Variants in FSTL4 observed in about 807,000 individuals in gnomAD.
The protein encoded by FSTL4 is follistatin-related protein 4.
A neutral mutation model predicts 78.2 loss-of-function variants in FSTL4; 28 were observed. That is an observed-to-expected ratio of 0.36 (90% confidence interval 0.27 to 0.49). FSTL4 has a LOEUF of 0.49. Among genes scored for constraint, FSTL4 ranks in the 20% least tolerant of loss-of-function variants. FSTL4 has a pLI of 0.98. For synonymous variants in FSTL4, 422 were observed against 440.5 expected (o/e 0.96, Z 0.53); for missense variants, 922 against 1,084.9 (o/e 0.85, Z 2.11).
the FSTL4 span, among the ~76,000 whole-genome samples, chr5:133,803,875 C>T: frequency 2.6e-4 from 40 of 152,232 alleles, no homozygotes; most frequent in African/African-American, 7.2e-4. Context: ...CAATGAGAGG[C>T]GCTCATGTGA....
the FSTL4 span, among the ~76,000 whole-genome samples, chr5:133,618,223 T>A: frequency 6.6e-6 from 1 of 152,204 alleles, no homozygotes; most frequent in East Asian, 1.9e-4. Context: ...GAATATGATA[T>A]ATATATCTTC....
chr5:133,517,447 A>AAAAAAAAAAATAAATATATATATATAT (rs1554068019), intron 3 of FSTL4, among the ~76,000 whole-genome samples: 1 of 16,416 alleles, frequency 6.1e-5, no homozygotes, highest in Non-Finnish European at 1.0e-4. Flanking sequence ...AAAAAAAAAA[A>AAAAAAAAAAATAAATATATATATATAT]ATATATATAT....
the FSTL4 span, among the ~76,000 whole-genome samples, chr5:133,750,318 A>G: frequency 6.6e-6 from 1 of 152,238 alleles, no homozygotes; most frequent in African/African-American, 2.4e-5. Context: ...GGTGAATTAA[A>G]GCAAAATGTT....
chr5:133,817,145 C>CT, the FSTL4 span, among the ~76,000 whole-genome samples: 1 of 152,210 alleles, frequency 6.6e-6, no homozygotes, highest in African/African-American at 2.4e-5. Flanking sequence ...AAGCTTTTCA[C>CT]TTCTATTGTT....
chr5:133,359,864 G>A (rs773752566), intron 4 of FSTL4, among the ~76,000 whole-genome samples: 2 of 152,196 alleles, frequency 1.3e-5, no homozygotes, highest in Non-Finnish European at 2.9e-5. Context: ...CCTCACGGGA[G>A]CTTTCCCGGG....
chr5:133,437,443 C>T (rs1403618255), intron 3 of FSTL4, among the ~76,000 whole-genome samples: 1 of 148,488 alleles, frequency 6.7e-6, no homozygotes, highest in Non-Finnish European at 1.5e-5. Flanking sequence ...ATTTAGTAGC[C>T]AACATTTAAT....
At chr5:133,581,927 C>T (rs553621858) in intron 2 of FSTL4, among the ~76,000 whole-genome samples, 1 of 152,366 alleles carries the variant, frequency 6.6e-6, no homozygotes, top group African/African-American at 2.4e-5. Flanking sequence ...TCAGACAAAC[C>T]TCTGCAGGTG....
intron 14 of FSTL4, among the ~76,000 whole-genome samples, chr5:133,204,903 G>GCCAGTTGAATTTCC (rs1188655957): frequency 1.3e-5 from 2 of 151,756 alleles, no homozygotes; most frequent in Non-Finnish European, 2.9e-5. Flanking sequence ...CAAAGACTAT[G>GCCAGTTGAATTTCC]CCAGTTGAAT....
At chr5:133,601,062 T>C (rs972989596) in intron 2 of FSTL4, among the ~76,000 whole-genome samples, 1 of 152,206 alleles carries the variant, frequency 6.6e-6, no homozygotes, top group Non-Finnish European at 1.5e-5. Flanking sequence ...TCTTGGATAT[T>C]AGGATGCAAG....
chr5:133,533,153 T>C (rs1367937468), intron 3 of FSTL4, among the ~76,000 whole-genome samples: 1 of 152,214 alleles, frequency 6.6e-6, no homozygotes, highest in Non-Finnish European at 1.5e-5. Context: ...GCTTTCACAA[T>C]CTACATGATG....
chr5:133,823,776 T>A, the FSTL4 span, among the ~76,000 whole-genome samples: 1 of 152,134 alleles, frequency 6.6e-6, no homozygotes, highest in Non-Finnish European at 1.5e-5. Context: ...CAGCATACCC[T>A]GGAACTGGGG....
In FSTL4 at chr5:133,451,332, G is replaced by A. The variant is rs762119910; in HGVS notation, c.161-50346C>T. ...TCCCAGCACTTTGGGAGGCAGAGGCGTGCGGATTACCTGAGGTCAGGAGTT... is the reference window on the plus strand; with the variant it reads ...TCCCAGCACTTTGGGAGGCAGAGGCATGCGGATTACCTGAGGTCAGGAGTT... On this transcript the variant is annotated intron_variant, in intron 3 of 15. Coordinates refer to ENST00000265342, the MANE Select transcript of FSTL4 (RefSeq NM_015082.2). Among the ~76,000 whole-genome samples, 14 of 152,192 alleles carry A rather than the reference G, an allele frequency of 9.2e-5. No individual in the cohort carries two copies. The East Asian group carries it at 2.1e-3, about 23-fold the overall frequency.
At chr5:133,405,839 C>T (rs1442923530) in intron 3 of FSTL4, among the ~76,000 whole-genome samples, 1 of 152,224 alleles carries the variant, frequency 6.6e-6, no homozygotes, top group Non-Finnish European at 1.5e-5. Context: ...GCCATGTCTA[C>T]CCTAAGATGG....
At position 133,316,639 on chromosome 5, in the gene FSTL4, G is replaced by A. The variant is rs142530718; in HGVS notation, c.423C>T (p.Thr141=). The change falls in exon 5 of 16, where the codon ACC becomes ACT. Residue 141 remains threonine (T), a synonymous_variant. Coordinates refer to ENST00000265342, the MANE Select transcript of FSTL4 (RefSeq NM_015082.2). The part of the protein sequence containing the change: ...KDCFLKGDTC[T]MAGYARLKNV... Reference sequence around the variant, plus strand: ...TCTTCAAGCGGGCGTAGCCGGCCATGGTGCACGTGTCACCTGAAAGAGAAG... The same window carrying A: ...TCTTCAAGCGGGCGTAGCCGGCCATAGTGCACGTGTCACCTGAAAGAGAAG... The A allele has an allele frequency of 2.2e-5, 36 of 1,610,020 alleles. No homozygotes were observed. In the African/African-American group the frequency reaches 2.4e-4, roughly 11 times the overall value.
chr5:133,360,320 T>G (rs909582010), intron 4 of FSTL4, among the ~76,000 whole-genome samples: 1 of 152,254 alleles, frequency 6.6e-6, no homozygotes, highest in African/African-American at 2.4e-5. Flanking sequence ...AATTCAAAGC[T>G]GGCTCTAAGA....
intron 6 of FSTL4, among the ~76,000 whole-genome samples, chr5:133,273,207 G>T (rs1156398203): frequency 1.3e-5 from 2 of 152,234 alleles, no homozygotes; most frequent in Non-Finnish European, 2.9e-5. Context: ...CAAGTAAAAA[G>T]AAGAAACAGC....
chr5:133,406,685 A>T (rs1357038925), intron 3 of FSTL4, among the ~76,000 whole-genome samples: 2 of 152,190 alleles, frequency 1.3e-5, no homozygotes, highest in Non-Finnish European at 2.9e-5. Flanking sequence ...CCAGCCAGAG[A>T]AGGCCATGTG....
chr5:133,777,644 CAT>C, the FSTL4 span, among the ~76,000 whole-genome samples: 1 of 152,286 alleles, frequency 6.6e-6, no homozygotes, highest in Admixed American at 6.5e-5. Flanking sequence ...AGGTTTTCAA[CAT>C]AAGTGGAACA....
the FSTL4 span, among the ~76,000 whole-genome samples, chr5:133,664,352 A>G: frequency 6.6e-6 from 1 of 152,102 alleles, no homozygotes; most frequent in Admixed American, 6.5e-5. Context: ...TCCTAGGCAC[A>G]TTAACTCTTC....
Sources: allele counts gnomAD v4.1 joint callset (sites outside exome capture counted in the v4.1 genomes callset), GRCh38; gene constraint gnomAD v4.1.1; transcripts MANE v1.5; gene names NCBI Gene and HGNC (gene_info 2026-07-23, HGNC 2026-07-21).